The following PPA1 variants were observed in gnomAD, a reference collection of about 807,000 sequenced individuals.
PPA1 encodes the protein inorganic pyrophosphatase.
Under a neutral mutation model 41.8 loss-of-function variants are expected in PPA1, and 23 were observed. The observed-to-expected ratio is 0.55, with a 90% confidence interval of 0.40 to 0.78. The LOEUF (loss-of-function observed/expected upper bound fraction) is 0.78, where lower values mean the gene tolerates loss of function less well. Ranked by LOEUF, PPA1 falls within the 30% of genes least tolerant of loss-of-function variation. The pLI, the probability that PPA1 is intolerant of heterozygous loss-of-function variation, is 0.00. For synonymous variants in PPA1, 101 were observed against 116.8 expected (o/e 0.86, Z 0.87); for missense variants, 320 against 361.6 (o/e 0.89, Z 0.93).
rs752094515 is a variant in PPA1, at chr10:70,214,531, T to C, written c.353A>G (p.Asp118Gly). ...TCCAATTTCACACACATCAATTGGG[T>C]CATTGTCACCACAACAGCCAGTATG... Reference protein sequence around the residue: ...DKHTGCCGDNDPIDVCEIGSK... With the variant: ...DKHTGCCGDNGPIDVCEIGSK... The change falls in exon 5 of 11, where the codon GAC becomes GGC. Residue 118 changes from aspartate to glycine, a missense_variant. Physicochemically the swap from Asp to Gly is moderately conservative, Grantham distance 94 (BLOSUM62 -1). Coordinates refer to ENST00000373232, the MANE Select transcript of PPA1 (RefSeq NM_021129.4). The C allele has an allele frequency of 2.5e-6, 4 of 1,613,766 alleles. No individual in the cohort carries two copies. The highest frequency in any genetic ancestry group is 1.7e-5 in the Admixed American group (1 of 59,990).
intron 1 of PPA1, among the ~76,000 whole-genome samples, chr10:70,232,336 C>T (rs1405219906): frequency 6.6e-6 from 1 of 152,178 alleles, no homozygotes; most frequent in East Asian, 1.9e-4. Context: ...GACACATTTA[C>T]GAACGCCTCC....
chr10:70,209,090 A>C, intron 8 of PPA1, 115 bp downstream of exon 8: 1 of 710,588 alleles, frequency 1.4e-6, no homozygotes, highest in Non-Finnish European at 2.2e-6. Flanking sequence ...CACCGCACCC[A>C]GCCTTGTATC....
intron 2 of PPA1, 106 bp from the exon 3 acceptor site, chr10:70,218,923 T>A: frequency 1.3e-6 from 1 of 756,684 alleles, no homozygotes; most frequent in Non-Finnish European, 2.3e-6. Flanking sequence ...ATCAGATCTT[T>A]GAAGTCAATT....
At chr10:70,214,658 A>T in intron 4 of PPA1, 72 bp from the exon 5 acceptor site, 2 of 1,242,892 alleles carry the variant, frequency 1.6e-6, no homozygotes, top group Non-Finnish European at 2.3e-6. Flanking sequence ...AATAACAGAT[A>T]ACATCCTATG....
intron 2 of PPA1, among the ~76,000 whole-genome samples, chr10:70,223,882 G>C (rs1380608183): frequency 6.6e-6 from 1 of 152,062 alleles, no homozygotes; most frequent in African/African-American, 2.4e-5. Context: ...TACTCCCACT[G>C]TTAGGACTTC....
chr10:70,212,859 T>C (rs900544720), intron 6 of PPA1, among the ~76,000 whole-genome samples: 1 of 148,564 alleles, frequency 6.7e-6, no homozygotes, highest in Non-Finnish European at 1.5e-5. Context: ...TGCTGATACA[T>C]ACTACAATAC....
chr10:70,220,605 A>ATAATATATATAAT (rs1840132475), intron 2 of PPA1, among the ~76,000 whole-genome samples: 2 of 8,300 alleles, frequency 2.4e-4, no homozygotes, highest in African/African-American at 7.8e-4. Context: ...TATAATTTAT[A>ATAATATATATAAT]TATATATTAT....
chr10:70,208,537 C>G (rs902932857), intron 8 of PPA1, among the ~76,000 whole-genome samples: 2 of 151,942 alleles, frequency 1.3e-5, no homozygotes, highest in African/African-American at 4.8e-5. Context: ...CTATGTTGCC[C>G]CCACCAGTCT....
At chr10:70,226,782 G>C (rs1179797613) in intron 2 of PPA1, among the ~76,000 whole-genome samples, 1 of 152,016 alleles carries the variant, frequency 6.6e-6, no homozygotes, top group African/African-American at 2.4e-5. Context: ...ATGCATTTAT[G>C]CCAAATTGCA....
At chr10:70,221,117 G>T (rs1336080313) in intron 2 of PPA1, among the ~76,000 whole-genome samples, 2 of 88,376 alleles carry the variant, frequency 2.3e-5, no homozygotes, top group African/African-American at 1.1e-4. Flanking sequence ...GCTTTGCCAT[G>T]TTACCCCAGA....
intron 4 of PPA1, among the ~76,000 whole-genome samples, chr10:70,214,952 T>C (rs1840062433): frequency 6.6e-6 from 1 of 152,188 alleles, no homozygotes; most frequent in Non-Finnish European, 1.5e-5. Flanking sequence ...TCCAGCACTT[T>C]GGGAGGCTGA....
At position 70,214,603 on chromosome 10, in the gene PPA1, G is replaced by A. The variant is rs1379503596; in HGVS notation, c.298-17C>T. The A allele has an allele frequency of 1.9e-6, 3 of 1,587,882 alleles. No homozygotes were observed. Among genetic ancestry groups the A allele is most frequent in the East Asian group, 4.5e-5 (2 of 44,710 alleles). Reference sequence around the variant, plus strand: ...TTCCCAAGTCTAAAAATATAAGACAGTGTATATCATTCCTATACATACTGA... The same window carrying A: ...TTCCCAAGTCTAAAAATATAAGACAATGTATATCATTCCTATACATACTGA... On this transcript the variant is annotated splice_polypyrimidine_tract_variant and intron_variant, in intron 4 of 10. Transcript: ENST00000373232.
In PPA1 at chr10:70,213,078, T is replaced by TA. The variant is rs539036208; in HGVS notation, c.511+384dup. The stretch of plus-strand genomic sequence containing the variant: ...CTGGGCTGATGAAATGTTCTGCAAT[T>TA]AGAGAGTGGTGATGGTTGTACAACT... On this transcript the variant is annotated intron_variant, in intron 6 of 10. Coordinates refer to ENST00000373232, the MANE Select transcript of PPA1 (RefSeq NM_021129.4). 3.4e-4 allele frequency among the ~76,000 whole-genome samples: 52 copies of TA among 152,260 alleles called. 1 individual carries two copies. In the East Asian group the frequency reaches 9.5e-3, roughly 28 times the overall value.
chr10:70,233,228 A>T, intron 1 of PPA1, 36 bp downstream of exon 1: 1 of 1,524,990 alleles, frequency 6.6e-7, no homozygotes, highest in Non-Finnish European at 8.8e-7. Flanking sequence ...GAATGGGCGG[A>T]CGGGCGCGGA....
intron 2 of PPA1, among the ~76,000 whole-genome samples, chr10:70,222,244 G>A (rs544377281): frequency 6.7e-6 from 1 of 150,244 alleles, no homozygotes; most frequent in Non-Finnish European, 1.5e-5. Flanking sequence ...GCTGAGGCAG[G>A]AGAATGGCGT....
intron 2 of PPA1, 81 bp from the exon 3 acceptor site, chr10:70,218,898 CA>C (rs1840105760): frequency 3.1e-6 from 3 of 971,240 alleles, no homozygotes; most frequent in Non-Finnish European, 4.9e-6. Flanking sequence ...CTTCCAAAGT[CA>C]AACTGTTCAT....
chr10:70,207,015 A>C (rs1839953053), intron 8 of PPA1, among the ~76,000 whole-genome samples: 3 of 152,000 alleles, frequency 2.0e-5, no homozygotes, highest in Admixed American at 6.6e-5. Context: ...ACAAAAAAAA[A>C]CCCAGTTCCT....
In PPA1 at chr10:70,202,973, T is replaced by G; in HGVS notation, c.*182A>C. The stretch of plus-strand genomic sequence containing the variant: ...AGCATGTGCTAAAAGTTATCTTAGT[T>G]GAGATATGAAAAATGCTTTAGATGG... On this transcript the variant is annotated 3_prime_UTR_variant, in exon 11 of 11. Transcript: ENST00000373232. The G allele has an allele frequency of 5.0e-5, 32 of 639,772 alleles. No individual in the cohort carries two copies. Among genetic ancestry groups the G allele is most frequent in the East Asian group, 8.4e-5 (3 of 35,684 alleles). 39.6% of individuals were successfully genotyped at this position (639,772 alleles called of 1,614,324 possible).
chr10:70,221,074 A>ATTTT (rs1186265851), intron 2 of PPA1, among the ~76,000 whole-genome samples: 1 of 20,832 alleles, frequency 4.8e-5, no homozygotes, highest in African/African-American at 3.2e-4. Context: ...ATATATATAT[A>ATTTT]TATTTTTTTT....
Sources: gnomAD v4.1 joint callset for allele counts (sites outside exome capture counted in the v4.1 genomes callset) on GRCh38, gnomAD v4.1.1 for gene constraint, MANE v1.5 for transcripts, NCBI Gene and HGNC (gene_info 2026-07-23, HGNC 2026-07-21) for gene names.